C14orf39: variants seen among roughly 807,000 people sequenced by gnomAD.
C14orf39 encodes chromosome 14 open reading frame 39, also known as protein SIX6OS1.
C14orf39 carries 66 observed loss-of-function variants against 85.6 expected under a neutral mutation model. The observed-to-expected ratio is 0.77, with a 90% CI of 0.63 to 0.95. The LOEUF (loss-of-function observed/expected upper bound fraction) is 0.95, where lower values mean the gene tolerates loss of function less well. Among genes scored for constraint, C14orf39 ranks in the 40% least tolerant of loss-of-function variants. C14orf39 has a pLI of 0.00. For synonymous variants in C14orf39, 242 were observed against 214.0 expected, an observed-to-expected ratio of 1.13 and a Z score of -1.14; for missense variants, 735 against 663.9, an observed-to-expected ratio of 1.11 and a Z score of -1.18.
At chr14:60,512,526 G>A (rs1387120584) in intron 1 of C14orf39, 1 of 152,182 alleles carries the variant, frequency 6.6e-6, no homozygotes, top group Non-Finnish European at 1.5e-5. Context: ...GGGAAAGGAT[G>A]TAATCATGTC....
At chr14:60,472,240 T>A (rs1265039040) in intron 5 of C14orf39, among the ~76,000 whole-genome samples, 3 of 34,702 alleles carry the variant, frequency 8.6e-5, no homozygotes, top group Non-Finnish European at 2.9e-4. Context: ...GTATTAGAAC[T>A]CTTGTGTTCA....
intron 1 of C14orf39, among the ~76,000 whole-genome samples, chr14:60,504,223 C>G (rs1367715045): frequency 6.6e-6 from 1 of 152,170 alleles, no homozygotes. Flanking sequence ...TTAATAAGCA[C>G]TTTTTGCTAA....
At chr14:60,448,316 G>T (rs528937638) in intron 16 of C14orf39, among the ~76,000 whole-genome samples, 1 of 152,082 alleles carries the variant, frequency 6.6e-6, no homozygotes, top group South Asian at 2.1e-4. Flanking sequence ...CTAATATCCA[G>T]AATCTACAAA....
intron 4 of C14orf39, among the ~76,000 whole-genome samples, chr14:60,480,515 C>G (rs1284469951): frequency 3.1e-4 from 47 of 152,132 alleles, no homozygotes; most frequent in Non-Finnish European, 8.8e-5. Context: ...GAAGTGTAAA[C>G]TAGTACAGCT....
At position 60,455,086 on chromosome 14, in the gene C14orf39, G is replaced by A; in HGVS notation, c.1418C>T (p.Ser473Phe). 1 of 1,581,032 alleles carries A rather than the reference G, an allele frequency of 6.3e-7. No homozygotes were observed. The highest frequency in any genetic ancestry group is 1.2e-5 in the South Asian group (1 of 85,086). ...VQTEKESPGL[S>F]FLMSYTSRSP... ...TCTAGAAGTATAACTCATAAGAAAA[G>A]AAAGTCCAGGGGATTCCTTTTCTGT... The change falls in exon 16 of 18, where the codon TCT (serine) becomes TTT (phenylalanine). Residue 473 changes from serine to phenylalanine, a missense_variant. Transcript: ENST00000321731.
At chr14:60,506,545 C>T (rs1893206038) in intron 1 of C14orf39, among the ~76,000 whole-genome samples, 2 of 152,216 alleles carry the variant, frequency 1.3e-5, no homozygotes, top group Admixed American at 6.5e-5. Flanking sequence ...TTCGTCCCTT[C>T]CCCTTGTGAA....
rs1014670940 is a variant in C14orf39 at position 60,484,223 on chromosome 14, A to G, written c.107-406T>C. 6.6e-6 allele frequency among the ~76,000 whole-genome samples: 1 copy of G among 152,194 alleles called. No homozygotes were observed. The highest frequency in any genetic ancestry group is 6.5e-5 in the Admixed American group (1 of 15,278). The stretch of plus-strand genomic sequence containing the variant: ...ATTTCTATTCATCAATTCTATGTCA[A>G]TTATTAAACGCACTTTCAACTCACT... On this transcript the variant is annotated intron_variant, in intron 3 of 17. Transcript: ENST00000321731. The surrounding 1 kb of genome is among the most constrained non-coding windows in gnomAD (Gnocchi z 4.2).
Position 60,436,923 on chromosome 14 carries a change from A to C in C14orf39, c.1686T>G (p.Gly562=). ...DFSFPFSFGQ[G]QNSIPSSSLK... is the part of the protein sequence containing the mutation. ...AAGAAGAAGAAGGTATTGAATTTTG[A>C]CCCTGTCCAAATGAAAATGGAAAAC... The change falls in exon 18 of 18, where the codon GGT becomes GGG. Residue 562 remains glycine, a synonymous_variant. Coordinates refer to ENST00000321731, the MANE Select transcript of C14orf39 (RefSeq NM_174978.3). 1 of 1,612,696 alleles carries C rather than the reference A, an allele frequency of 6.2e-7. No individual in the cohort carries two copies. The highest frequency in any genetic ancestry group is 1.1e-5 in the South Asian group (1 of 91,028).
intron 1 of C14orf39, among the ~76,000 whole-genome samples, chr14:60,503,454 G>A (rs1366680888): frequency 6.6e-6 from 1 of 152,056 alleles, no homozygotes; most frequent in Non-Finnish European, 1.5e-5. Flanking sequence ...AACTCAATTG[G>A]AATTAAATTA....
intron 1 of C14orf39, 119 bp from the exon 2 acceptor site, chr14:60,485,205 A>C: frequency 1.2e-6 from 1 of 835,122 alleles, no homozygotes; most frequent in Non-Finnish European, 1.8e-6. Context: ...GCAGAGCCAG[A>C]ACTGGAAGAC....
intron 16 of C14orf39, among the ~76,000 whole-genome samples, chr14:60,442,884 T>C (rs1293610074): frequency 2.0e-5 from 3 of 152,212 alleles, no homozygotes; most frequent in African/African-American, 7.2e-5. Flanking sequence ...AAATGGACTT[T>C]GCTCATTTTT....
intron 16 of C14orf39, among the ~76,000 whole-genome samples, chr14:60,452,741 T>A (rs1891094940): frequency 6.6e-6 from 1 of 152,102 alleles, no homozygotes; most frequent in African/African-American, 2.4e-5. Context: ...CATGCCTGTA[T>A]CAAAATATCT....
chr14:60,461,186 A>G lies in C14orf39; in HGVS notation c.1117+168T>C, dbSNP rs550668280. On this transcript the variant is annotated intron_variant, in intron 13 of 17. Transcript: ENST00000321731. ...TATCTTTGTTTTCCAAATATTCTAC[A>G]ATAAAATGTATTTGTTCTATATTTA... Among the ~76,000 whole-genome samples, 367 of 152,134 alleles carry G rather than the reference A, an allele frequency of 2.4e-3. 2 individuals carry two copies. The highest frequency in any genetic ancestry group is 8.5e-3 in the African/African-American group (352 of 41,546).
chr14:60,483,684 T>C lies in C14orf39; in HGVS notation c.233+7A>G. On this transcript the variant is annotated splice_region_variant and intron_variant, in intron 4 of 17. Transcript: ENST00000321731. ...TGCAATGAAAATTGATTCTTTCAAA[T>C]ACTCACTTTCTACAGTTGTCTTTAA... The C allele has an allele frequency of 1.3e-6, 2 of 1,576,880 alleles. No individual in the cohort carries two copies. The highest frequency in any genetic ancestry group is 1.2e-5 in the South Asian group (1 of 84,828).
chr14:60,471,889 C>T (rs1892103782), intron 5 of C14orf39, 150 bp from the exon 6 acceptor site: 1 of 526,128 alleles, frequency 1.9e-6, no homozygotes, highest in East Asian at 3.2e-5. Context: ...TTAGACTTTC[C>T]TTAACTCCAC....
intron 3 of C14orf39, 61 bp from the exon 4 acceptor site, chr14:60,483,878 A>G (rs991866223): frequency 1.6e-6 from 2 of 1,227,180 alleles, no homozygotes; most frequent in East Asian, 2.7e-5. Flanking sequence ...ATAAACAAAT[A>G]GAGAAAAAAA....
intron 3 of C14orf39, 131 bp from the exon 4 acceptor site, chr14:60,483,948 T>A: frequency 1.7e-6 from 1 of 601,056 alleles, no homozygotes; most frequent in Non-Finnish European, 2.8e-6. Context: ...AAACGAGGCT[T>A]GAGATGGGTG....
intron 10 of C14orf39, 23 bp from the exon 11 acceptor site, chr14:60,466,078 T>A (rs1733824828): frequency 2.6e-6 from 3 of 1,165,538 alleles, no homozygotes; most frequent in Non-Finnish European, 3.6e-6. Flanking sequence ...ATAGTACTAC[T>A]TTAAATCAAT....
chr14:60,448,835 C>T (rs565229800), intron 16 of C14orf39, among the ~76,000 whole-genome samples: 14 of 152,300 alleles, frequency 9.2e-5, no homozygotes, highest in African/African-American at 2.9e-4. Context: ...GGCACATATA[C>T]ACCATGGAAT....
Sources: gnomAD v4.1 joint callset for allele counts (sites outside exome capture counted in the v4.1 genomes callset) on GRCh38, gnomAD v4.1.1 for gene constraint, Gnocchi (gnomAD v3.1) non-coding constraint, MANE v1.5 for transcripts, NCBI Gene and HGNC (gene_info 2026-07-23, HGNC 2026-07-21) for gene names.